GPATCH2L: variants seen among roughly 807,000 people sequenced by gnomAD.
GPATCH2L encodes the protein G-patch domain containing 2 like.
A neutral mutation model predicts 57.4 loss-of-function variants in GPATCH2L; 31 were observed. The observed-to-expected ratio is 0.54, with a 90% CI of 0.41 to 0.73. The LOEUF is 0.73. GPATCH2L is among the 30% of genes least tolerant of loss of function. GPATCH2L has a pLI of 0.00. For missense variants in GPATCH2L, 481 were observed against 599.9 expected, an observed-to-expected ratio of 0.80 and a Z score of 2.07; for synonymous variants, 199 against 210.7, an observed-to-expected ratio of 0.94 and a Z score of 0.48.
chr14:76,171,466 A>G (rs2039079797), intron 3 of GPATCH2L, among the ~76,000 whole-genome samples: 1 of 152,110 alleles, frequency 6.6e-6, no homozygotes. Flanking sequence ...AATGCCAGCT[A>G]CTCAGGAGGC....
intron 1 of GPATCH2L, among the ~76,000 whole-genome samples, chr14:76,227,159 A>G (rs74825119): frequency 0.019 from 2,947 of 152,302 alleles, 63 homozygotes; most frequent in South Asian, 0.077. Context: ...TTTTCTTTTC[A>G]AATAGGCTGT....
chr14:76,232,049 C>A (rs2040573803), intron 2 of GPATCH2L, among the ~76,000 whole-genome samples: 1 of 3,534 alleles, frequency 2.8e-4, no homozygotes, highest in Non-Finnish European at 1.7e-3. Context: ...GTAGCTGGGA[C>A]TATAGGTGTG....
intron 2 of GPATCH2L, among the ~76,000 whole-genome samples, chr14:76,158,210 C>T (rs996179301): frequency 6.6e-6 from 1 of 152,062 alleles, no homozygotes; most frequent in Non-Finnish European, 1.5e-5. Flanking sequence ...GTATTAGAGG[C>T]TGATCTCACA....
intron 1 of GPATCH2L, among the ~76,000 whole-genome samples, chr14:76,224,516 TAAC>T (rs2040528528): frequency 6.6e-6 from 1 of 152,142 alleles, no homozygotes; most frequent in African/African-American, 2.4e-5. Flanking sequence ...AGTGAACACT[TAAC>T]ACACTAGGAA....
chr14:76,231,438 G>A (rs566449320), intron 2 of GPATCH2L, among the ~76,000 whole-genome samples: 2 of 152,094 alleles, frequency 1.3e-5, no homozygotes, highest in East Asian at 1.9e-4. Context: ...TTTTAGTGGT[G>A]CCCATCAGAG....
intron 8 of GPATCH2L, among the ~76,000 whole-genome samples, chr14:76,182,207 A>T (rs1178931513): frequency 6.6e-6 from 1 of 151,948 alleles, no homozygotes; most frequent in East Asian, 1.9e-4. Flanking sequence ...AATACAAAAA[A>T]TTAGCCAGGT....
chr14:76,211,540 C>T lies in GPATCH2L; in HGVS notation c.*9689C>T, dbSNP rs1243777182. ...CATGATACCAGTCTGAGGTTATTCC[C>T]CTTGAACCACCGACTTAGTAGAGTT... On this transcript the variant is annotated 3_prime_UTR_variant, in exon 10 of 10. Transcript: ENST00000261530. 1 of 152,096 alleles carries T rather than the reference C, an allele frequency of 6.6e-6. No homozygotes were observed. The allele number at this position is 152,096 out of a possible 1,614,324, so 9.4% of individuals were successfully genotyped here. A position where few individuals can be genotyped will look rare whatever the true frequency, so the allele number is the denominator to read the frequency against.
downstream of GPATCH2L, among the ~76,000 whole-genome samples, chr14:76,218,874 G>C (rs2040501009): frequency 6.6e-6 from 1 of 151,846 alleles, no homozygotes; most frequent in South Asian, 2.1e-4. Flanking sequence ...GTCAGCAAAT[G>C]GGGTGGGAAC....
intron 3 of GPATCH2L, among the ~76,000 whole-genome samples, chr14:76,169,350 G>C (rs1351692658): frequency 6.6e-6 from 1 of 152,150 alleles, no homozygotes; most frequent in Non-Finnish European, 1.5e-5. Context: ...CTGGCATATA[G>C]TAAATGTTTA....
In GPATCH2L at chr14:76,201,928, C is replaced by T. The variant is rs1036123778; in HGVS notation, c.*77C>T. On this transcript the variant is annotated 3_prime_UTR_variant, in exon 10 of 10. Transcript: ENST00000261530. ...TTGGACTTTGTGTTAGATAGTCTTG[C>T]ATATCTTAATCGACATTCCCAGTCC... 3.2e-6 allele frequency: 4 copies of T among 1,250,054 alleles called. No individual in the cohort carries two copies. In the South Asian group the frequency reaches 4.4e-5, roughly 14 times the overall value. 77.4% of individuals were successfully genotyped at this position (1,250,054 alleles called of 1,614,324 possible). A position where few individuals can be genotyped will look rare whatever the true frequency, so the allele number is the denominator to read the frequency against.
intron 6 of GPATCH2L, among the ~76,000 whole-genome samples, chr14:76,177,708 T>G (rs554626578): frequency 1.7e-3 from 178 of 107,756 alleles, no homozygotes; most frequent in East Asian, 5.4e-3. Context: ...TTTTTTTTTG[T>G]TTTTGTTTTT....
intron 8 of GPATCH2L, among the ~76,000 whole-genome samples, chr14:76,185,765 T>C (rs1196640884): frequency 6.6e-6 from 1 of 152,214 alleles, no homozygotes; most frequent in East Asian, 1.9e-4. Context: ...ATCTTATTTT[T>C]AGTTGTGGTA....
chr14:76,160,586 C>G (rs937183502), intron 2 of GPATCH2L, among the ~76,000 whole-genome samples: 1 of 151,870 alleles, frequency 6.6e-6, no homozygotes, highest in Non-Finnish European at 1.5e-5. Context: ...AGATTAAAAG[C>G]GAAAATTAAT....
Position 76,201,613 on chromosome 14 carries a change from G to A in GPATCH2L, c.1289-78G>A, listed in dbSNP as rs1308649139. On this transcript the variant is annotated intron_variant, in intron 9 of 9. Coordinates refer to ENST00000261530, the MANE Select transcript of GPATCH2L (RefSeq NM_017926.4). ...AGGATTAAGAAAATTTTTTTTCTAAGTATCTCTCATTCTAATTTGTCTTAT... is the reference window on the plus strand; with the variant it reads ...AGGATTAAGAAAATTTTTTTTCTAAATATCTCTCATTCTAATTTGTCTTAT... 5 of 1,176,252 alleles carry A rather than the reference G, an allele frequency of 4.3e-6. No homozygotes were observed. In the African/African-American group the frequency reaches 4.7e-5, roughly 11 times the overall value. 72.9% of individuals were successfully genotyped at this position (1,176,252 alleles called of 1,614,324 possible). A position where few individuals can be genotyped will look rare whatever the true frequency, so the allele number is the denominator to read the frequency against.
At position 76,209,846 on chromosome 14, in the gene GPATCH2L, G is replaced by C. The variant is rs1351058938; in HGVS notation, c.*7995G>C. On this transcript the variant is annotated 3_prime_UTR_variant, in exon 10 of 10. Coordinates refer to ENST00000261530, the MANE Select transcript of GPATCH2L (RefSeq NM_017926.4). ...TCTGATTCAAAATATGGGGTAGGTG[G>C]ATCTGATTAGTAGTCATATGCCTGT... The C allele has an allele frequency of 6.6e-6, 1 of 152,192 alleles. No individual in the cohort carries two copies. Among genetic ancestry groups the C allele is most frequent in the African/African-American group, 2.4e-5 (1 of 41,434 alleles). 9.4% of individuals were successfully genotyped at this position (152,192 alleles called of 1,614,324 possible).
In GPATCH2L at chr14:76,154,906, C is replaced by G; in HGVS notation, c.543C>G (p.Gly181=). Residue 181 remains glycine, a synonymous_variant, in exon 2 of 10, where the codon GGC becomes GGG. Transcript: ENST00000261530. This position sits in a 1 kb window ranked among gnomAD's most constrained non-coding sequence, Gnocchi z 4.4. The part of the protein sequence containing the change: ...WKENTPWTSS[G]HGLCESAENR... The stretch of plus-strand genomic sequence containing the variant: ...AGAATACTCCCTGGACCTCATCAGG[C>G]CACGGATTGTGTGAATCAGCAGAAA... The G allele has an allele frequency of 1.2e-6, 2 of 1,614,080 alleles. No homozygotes were observed. Among genetic ancestry groups the G allele is most frequent in the Non-Finnish European group, 1.7e-6 (2 of 1,179,958 alleles).
Position 76,202,389 on chromosome 14 carries a change from A to T in GPATCH2L, c.*538A>T, listed in dbSNP as rs1006279427. ...TAAATCAACCAAGTTTTGGGGCCTCAAAAGAGACACCAGCAACTGGGCCTT... is the reference window on the plus strand; with the variant it reads ...TAAATCAACCAAGTTTTGGGGCCTCTAAAGAGACACCAGCAACTGGGCCTT... On this transcript the variant is annotated 3_prime_UTR_variant, in exon 10 of 10. Transcript: ENST00000261530. 1 of 152,780 alleles carries T rather than the reference A, an allele frequency of 6.5e-6. No homozygotes were observed. Among genetic ancestry groups the T allele is most frequent in the East Asian group, 1.9e-4 (1 of 5,188 alleles). The allele number at this position is 152,780 out of a possible 1,614,324, so 9.5% of individuals were successfully genotyped here.
At chr14:76,169,408 TC>T (rs770445298) in intron 3 of GPATCH2L, among the ~76,000 whole-genome samples, 1 of 152,212 alleles carries the variant, frequency 6.6e-6, no homozygotes, top group Non-Finnish European at 1.5e-5. Flanking sequence ...CTCCTTTTTT[TC>T]CCCCAAACAA....
rs138217621 is a variant in GPATCH2L at position 76,199,179 on chromosome 14, A to G, written c.1289-2512A>G. 1.2e-3 allele frequency among the ~76,000 whole-genome samples: 178 copies of G among 152,344 alleles called. 1 individual carries two copies. The highest frequency in any genetic ancestry group is 2.1e-3 in the Non-Finnish European group (143 of 68,024). Reference sequence around the variant, plus strand: ...AGAAAAAGTTAAAATTTTCTTTTATAAAAGGTTTAAAAGTTTTAAAAAGTT... The same window carrying G: ...AGAAAAAGTTAAAATTTTCTTTTATGAAAGGTTTAAAAGTTTTAAAAAGTT... On this transcript the variant is annotated intron_variant, in intron 9 of 9. Coordinates refer to ENST00000261530, the MANE Select transcript of GPATCH2L (RefSeq NM_017926.4).
Sources: allele counts gnomAD v4.1 joint callset (sites outside exome capture counted in the v4.1 genomes callset), GRCh38; gene constraint gnomAD v4.1.1; non-coding constraint Gnocchi (gnomAD v3.1); transcripts MANE v1.5; gene names NCBI Gene and HGNC (gene_info 2026-07-23, HGNC 2026-07-21).